Variants in NEGR1 observed in about 807,000 individuals in gnomAD.
The protein encoded by NEGR1 is neuronal growth regulator 1.
A neutral mutation model predicts 40.9 loss-of-function variants in NEGR1; 10 were observed. The observed-to-expected ratio is 0.24, with a 90% CI of 0.15 to 0.42. NEGR1 has a LOEUF of 0.42. Ranked by LOEUF, NEGR1 falls within the 10% of genes least tolerant of loss-of-function variation. The pLI is 1.00. For missense variants in NEGR1, 352 were observed against 438.9 expected (o/e 0.80, Z 1.77); for synonymous variants, 185 against 166.8 (o/e 1.11, Z -0.84).
At chr1:71,757,476 C>T (rs1175422007) in intron 3 of NEGR1, among the ~76,000 whole-genome samples, 1 of 152,070 alleles carries the variant, frequency 6.6e-6, no homozygotes, top group Non-Finnish European at 1.5e-5. Flanking sequence ...ATATGGAAGT[C>T]TCAGAGAGAC....
At chr1:72,079,056 T>C (rs1326352594) in intron 1 of NEGR1, among the ~76,000 whole-genome samples, 1 of 146,796 alleles carries the variant, frequency 6.8e-6, no homozygotes, top group Non-Finnish European at 1.5e-5. Context: ...GCAAATTTAA[T>C]AGATATATGT....
chr1:72,102,277 C>T (rs1003214296), intron 1 of NEGR1, among the ~76,000 whole-genome samples: 1 of 151,514 alleles, frequency 6.6e-6, no homozygotes, highest in Non-Finnish European at 1.5e-5. Flanking sequence ...TTTATCCAAC[C>T]CCCCCATAAT....
intron 1 of NEGR1, among the ~76,000 whole-genome samples, chr1:72,113,466 A>G (rs892349051): frequency 2.0e-5 from 3 of 150,996 alleles, no homozygotes. Context: ...GAAAAAAAAT[A>G]TATATATTTA....
chr1:71,841,089 C>T (rs1320910148), intron 2 of NEGR1, among the ~76,000 whole-genome samples: 1 of 152,042 alleles, frequency 6.6e-6, no homozygotes, highest in Non-Finnish European at 1.5e-5. Context: ...TATATATACA[C>T]ATCCTATTAG....
In NEGR1 at chr1:71,404,515, CCTT is replaced by C. The variant is rs1169733427; in HGVS notation, c.*2928_*2930del. On this transcript the variant is annotated 3_prime_UTR_variant, in exon 7 of 7. Coordinates refer to ENST00000357731, the MANE Select transcript of NEGR1 (RefSeq NM_173808.3). ...TAACTACCCTAATACTCTGATTCTTCCTTCCCTCTCATCCTTTCTTTCTTCCTA... is the reference window on the plus strand; with the variant it reads ...TAACTACCCTAATACTCTGATTCTTCCCCTCTCATCCTTTCTTTCTTCCTA... 6.6e-6 allele frequency: 1 copy of C among 151,508 alleles called. No individual in the cohort carries two copies. Among genetic ancestry groups the C allele is most frequent in the Admixed American group, 6.6e-5 (1 of 15,126 alleles). The allele number at this position is 151,508 out of a possible 1,614,324, so 9.4% of individuals were successfully genotyped here. A position where few individuals can be genotyped will look rare whatever the true frequency, so the allele number is the denominator to read the frequency against.
At chr1:72,035,524 A>T (rs1055474452) in intron 1 of NEGR1, among the ~76,000 whole-genome samples, 1 of 152,160 alleles carries the variant, frequency 6.6e-6, no homozygotes, top group Non-Finnish European at 1.5e-5. Flanking sequence ...CAGACTCAAA[A>T]GCTTAAGTTT....
chr1:72,032,495 C>T (rs1324258109), intron 1 of NEGR1, among the ~76,000 whole-genome samples: 1 of 152,104 alleles, frequency 6.6e-6, no homozygotes, highest in African/African-American at 2.4e-5. Flanking sequence ...TTACTCTTCT[C>T]AGTATTAATT....
chr1:72,009,491 T>A (rs1395296744), intron 1 of NEGR1, among the ~76,000 whole-genome samples: 2 of 152,064 alleles, frequency 1.3e-5, no homozygotes, highest in South Asian at 2.1e-4. Flanking sequence ...TGCAGAGGGT[T>A]TTTTTTATAT....
At chr1:72,098,302 C>T (rs932357400) in intron 1 of NEGR1, among the ~76,000 whole-genome samples, 11 of 151,944 alleles carry the variant, frequency 7.2e-5, no homozygotes, top group Admixed American at 3.9e-4. Context: ...AAATTTAAAA[C>T]GGAAACAACA....
At chr1:72,165,482 A>G (rs1480982431) in intron 1 of NEGR1, among the ~76,000 whole-genome samples, 11 of 152,044 alleles carry the variant, frequency 7.2e-5, no homozygotes, top group Non-Finnish European at 1.5e-5. Context: ...ATCCAACAGC[A>G]TATCCAGGGA....
intron 4 of NEGR1, among the ~76,000 whole-genome samples, chr1:71,660,834 A>G (rs956737083): frequency 6.6e-6 from 1 of 152,038 alleles, no homozygotes; most frequent in Non-Finnish European, 1.5e-5. Flanking sequence ...ATTTCTCCTA[A>G]TGCTATCCCT....
chr1:71,760,483 A>G lies in NEGR1; in HGVS notation c.535+15689T>C, dbSNP rs1457473623. On this transcript the variant is annotated intron_variant, in intron 3 of 6. Coordinates refer to ENST00000357731, the MANE Select transcript of NEGR1 (RefSeq NM_173808.3). ...AGAGTCAATTTTAACTGCATATATA[A>G]ATTATTGGTGTGCAGTCTTATGGTG... Among the ~76,000 whole-genome samples, 8 of 152,262 alleles carry G rather than the reference A, an allele frequency of 5.3e-5. No homozygotes were observed. The East Asian group carries it at 1.5e-3, about 29-fold the overall frequency.
At chr1:71,642,638 C>T (rs2101574781) in intron 4 of NEGR1, among the ~76,000 whole-genome samples, 1 of 151,868 alleles carries the variant, frequency 6.6e-6, no homozygotes, top group Admixed American at 6.6e-5. Flanking sequence ...GATTTGAGAT[C>T]ACAAATCAAT....
intron 6 of NEGR1, among the ~76,000 whole-genome samples, chr1:71,489,522 A>G (rs1326380171): frequency 2.6e-5 from 4 of 151,950 alleles, no homozygotes; most frequent in Non-Finnish European, 4.4e-5. Context: ...CTACTCTAAA[A>G]AAGAGAAAAT....
At chr1:71,978,479 C>T (rs1431058351) in intron 1 of NEGR1, among the ~76,000 whole-genome samples, 1 of 151,922 alleles carries the variant, frequency 6.6e-6, no homozygotes, top group Non-Finnish European at 1.5e-5. Context: ...AAATTATGGC[C>T]CTGAAATTGC....
intron 6 of NEGR1, among the ~76,000 whole-genome samples, chr1:71,560,715 C>A (rs1226175893): frequency 6.6e-6 from 1 of 151,002 alleles, no homozygotes; most frequent in Non-Finnish European, 1.5e-5. Flanking sequence ...AAAAGACCAG[C>A]CAAGATTCTA....
chr1:72,175,390 T>C (rs980867165), intron 1 of NEGR1, among the ~76,000 whole-genome samples: 2 of 152,084 alleles, frequency 1.3e-5, no homozygotes, highest in East Asian at 3.9e-4. Context: ...CAGATTCCAA[T>C]TAATGTTCTA....
chr1:71,644,151 G>A (rs1043057939), intron 4 of NEGR1, among the ~76,000 whole-genome samples: 1 of 151,858 alleles, frequency 6.6e-6, no homozygotes, highest in African/African-American at 2.4e-5. Flanking sequence ...TGGCCTTTGT[G>A]ATCCCCTGAC....
intron 6 of NEGR1, among the ~76,000 whole-genome samples, chr1:71,431,152 T>C (rs980638757): frequency 4.6e-5 from 7 of 150,718 alleles, no homozygotes; most frequent in African/African-American, 1.7e-4. Context: ...AAATATGTAT[T>C]CCCTGGCATT....
Sources: allele counts gnomAD v4.1 joint callset (sites outside exome capture counted in the v4.1 genomes callset), GRCh38; gene constraint gnomAD v4.1.1; transcripts MANE v1.5; gene names NCBI Gene and HGNC (gene_info 2026-07-23, HGNC 2026-07-21).